Variants in SYCP1 observed in about 807,000 individuals in gnomAD.
SYCP1 encodes the protein cancer/testis antigen 8.
In SYCP1, 64 loss-of-function variants were observed where a neutral mutation model predicts 153.1. That is an observed-to-expected ratio of 0.42 (90% CI 0.34 to 0.51). The LOEUF is 0.51. Among genes scored for constraint, SYCP1 ranks in the 20% least tolerant of loss-of-function variants. The pLI, the probability that SYCP1 is intolerant of heterozygous loss-of-function variation, is 0.06. For missense variants in SYCP1, 997 were observed against 1,049.0 expected, an observed-to-expected ratio of 0.95 and a Z score of 0.68; for synonymous variants, 384 against 341.8, an observed-to-expected ratio of 1.12 and a Z score of -1.36.
chr1:114,941,997 A>T (rs1670421973), intron 23 of SYCP1, among the ~76,000 whole-genome samples: 1 of 152,064 alleles, frequency 6.6e-6, no homozygotes, highest in African/African-American at 2.4e-5. Flanking sequence ...GGAATACTCA[A>T]CCTCTACTGA....
chr1:114,904,082 A>C (rs1033405335), intron 16 of SYCP1, among the ~76,000 whole-genome samples: 2 of 149,808 alleles, frequency 1.3e-5, no homozygotes, highest in African/African-American at 4.9e-5. Flanking sequence ...GTTCCTTTAC[A>C]TTTCCATATA....
At chr1:114,902,060 C>T (rs1667485288) in intron 16 of SYCP1, among the ~76,000 whole-genome samples, 1 of 151,976 alleles carries the variant, frequency 6.6e-6, no homozygotes, top group African/African-American at 2.4e-5. Context: ...GGAGTGCCAG[C>T]CAGCCTCGTG....
At chr1:114,978,394 C>T (rs1262752644) in intron 28 of SYCP1, among the ~76,000 whole-genome samples, 1 of 151,462 alleles carries the variant, frequency 6.6e-6, no homozygotes, top group East Asian at 1.9e-4. Context: ...TTAAATTCAC[C>T]AATCACATTA....
At chr1:114,908,714 A>G (rs1476977901) in intron 16 of SYCP1, among the ~76,000 whole-genome samples, 1 of 151,566 alleles carries the variant, frequency 6.6e-6, no homozygotes, top group African/African-American at 2.4e-5. Flanking sequence ...CTTTCCTTAG[A>G]TTTTCTATCT....
intron 16 of SYCP1, among the ~76,000 whole-genome samples, chr1:114,896,988 G>A (rs1468740903): frequency 2.0e-5 from 3 of 152,192 alleles, no homozygotes; most frequent in Admixed American, 6.5e-5. Flanking sequence ...TTACCACACA[G>A]GAATAGGAGG....
intron 27 of SYCP1, among the ~76,000 whole-genome samples, chr1:114,954,158 T>G (rs1452778843): frequency 6.6e-6 from 1 of 152,228 alleles, no homozygotes; most frequent in African/African-American, 2.4e-5. Context: ...TTATAGAAGA[T>G]TCAATCAAAC....
At chr1:114,912,998 A>G (rs1668279706) in intron 18 of SYCP1, 35 bp from the exon 19 acceptor site, 1 of 1,437,540 alleles carries the variant, frequency 7.0e-7, no homozygotes, top group South Asian at 1.2e-5. Flanking sequence ...TACATTTGTA[A>G]ATATTTTGGT....
At chr1:114,911,381 T>G in intron 17 of SYCP1, 98 bp from the exon 18 acceptor site, 1 of 791,508 alleles carries the variant, frequency 1.3e-6, no homozygotes, top group Non-Finnish European at 1.9e-6. Context: ...ACCTGCCAAA[T>G]TTTTGCCAAA....
chr1:114,857,603 C>A, intron 5 of SYCP1, 106 bp downstream of exon 5: 2 of 895,784 alleles, frequency 2.2e-6, no homozygotes, highest in South Asian at 2.7e-5. Flanking sequence ...ATTTGATTAA[C>A]GTTTTAAGAT....
rs80282000 is a variant in SYCP1, at chr1:114,991,450, T to C, written c.2704-3248T>C. Among the ~76,000 whole-genome samples the C allele has an allele frequency of 1.2e-3, 188 of 152,010 alleles. 2 individuals carry two copies. The East Asian group carries it at 0.024, about 19-fold the overall frequency. On this transcript the variant is annotated intron_variant, in intron 30 of 31. Transcript: ENST00000369522. ...AAATTCAATAGCATATTAAAAATTA[T>C]TTGCCATGGCCAAGTGGAATTTATC... is the stretch of plus-strand genomic sequence containing the variant.
At chr1:114,955,284 GGAGA>G (rs139654068) in intron 27 of SYCP1, among the ~76,000 whole-genome samples, 4 of 151,080 alleles carry the variant, frequency 2.6e-5, no homozygotes, top group Non-Finnish European at 4.4e-5. Context: ...TGAGAAACAG[GGAGA>G]GAGAGAGAGA....
chr1:114,910,502 G>T lies in SYCP1; in HGVS notation c.1425+1G>T. The T allele has an allele frequency of 1.3e-6, 2 of 1,527,728 alleles. No homozygotes were observed. The highest frequency in any genetic ancestry group is 1.4e-5 in the African/African-American group (1 of 70,934). The allele number at this position is 1,527,728 out of a possible 1,614,324, so 94.6% of individuals were successfully genotyped here. Reference sequence around the variant, plus strand: ...AATTGGTCTTCTCCAAGCCAGAGAGGTTTGTTTAAGGAAACATTTTTATTT... The same window carrying T: ...AATTGGTCTTCTCCAAGCCAGAGAGTTTTGTTTAAGGAAACATTTTTATTT... On this transcript the variant is annotated splice_donor_variant, in intron 17 of 31. Transcript: ENST00000369522. LOFTEE classifies it high-confidence loss of function.
chr1:114,960,899 C>T (rs1366049961), intron 27 of SYCP1, among the ~76,000 whole-genome samples: 1 of 152,100 alleles, frequency 6.6e-6, no homozygotes, highest in Non-Finnish European at 1.5e-5. Flanking sequence ...TTCTCTTACT[C>T]TATCTTTTGG....
intron 15 of SYCP1, 81 bp from the exon 16 acceptor site, chr1:114,895,367 A>G (rs989380667): frequency 1.7e-5 from 14 of 810,684 alleles, no homozygotes; most frequent in Admixed American, 6.8e-5. Flanking sequence ...CCTTTTGCGT[A>G]GTATTATGCT....
At chr1:114,950,749 A>G (rs1222291577) in intron 27 of SYCP1, among the ~76,000 whole-genome samples, 1 of 152,098 alleles carries the variant, frequency 6.6e-6, no homozygotes, top group East Asian at 1.9e-4. Context: ...ATTATAATCT[A>G]TAGACTGATT....
At chr1:114,955,356 A>G (rs561338113) in intron 27 of SYCP1, among the ~76,000 whole-genome samples, 1 of 152,276 alleles carries the variant, frequency 6.6e-6, no homozygotes, top group South Asian at 2.1e-4. Context: ...ATATAAGTTC[A>G]TGAGAAATAT....
chr1:114,950,758 TTATC>T (rs1046193315), intron 27 of SYCP1, among the ~76,000 whole-genome samples: 5 of 152,010 alleles, frequency 3.3e-5, no homozygotes, highest in African/African-American at 1.2e-4. Context: ...TATAGACTGA[TTATC>T]TAGCTAATGA....
intron 29 of SYCP1, among the ~76,000 whole-genome samples, chr1:114,983,702 A>C (rs1312842581): frequency 6.6e-6 from 1 of 151,970 alleles, no homozygotes; most frequent in African/African-American, 2.4e-5. Context: ...GGTTTCCTAA[A>C]GAGGTTTAGC....
chr1:114,969,079 A>G (rs1442140856), intron 27 of SYCP1, among the ~76,000 whole-genome samples: 1 of 152,100 alleles, frequency 6.6e-6, no homozygotes, highest in Admixed American at 6.5e-5. Flanking sequence ...CACTCGCCAG[A>G]TACCAGCTGG....
Sources: allele counts gnomAD v4.1 joint callset (sites outside exome capture counted in the v4.1 genomes callset), GRCh38; gene constraint gnomAD v4.1.1; transcripts MANE v1.5; gene names NCBI Gene and HGNC (gene_info 2026-07-23, HGNC 2026-07-21).